The following ARIH1 variants were observed in gnomAD, a reference collection of about 807,000 sequenced individuals.
ARIH1 encodes the protein E3 ubiquitin-protein ligase ARIH1.
Under a neutral mutation model 85.0 loss-of-function variants are expected in ARIH1, and 8 were observed. The observed-to-expected ratio is 0.09, with a 90% CI of 0.06 to 0.17. The LOEUF is 0.17. Ranked by LOEUF, ARIH1 falls within the 10% of genes least tolerant of loss-of-function variation. The pLI is 1.00. For missense variants in ARIH1, 311 were observed against 718.1 expected (o/e 0.43, Z 6.48); for synonymous variants, 238 against 253.6 (o/e 0.94, Z 0.59).
intron 3 of ARIH1, among the ~76,000 whole-genome samples, chr15:72,546,981 G>T (rs1340036390): frequency 6.6e-6 from 1 of 151,716 alleles, no homozygotes; most frequent in Non-Finnish European, 1.5e-5. Context: ...AGGCTGGAGT[G>T]CAGTGGTGCG....
At chr15:72,531,039 G>A (rs2064054224) in intron 2 of ARIH1, among the ~76,000 whole-genome samples, 1 of 152,156 alleles carries the variant, frequency 6.6e-6, no homozygotes, top group Non-Finnish European at 1.5e-5. Flanking sequence ...TCCCATGTGT[G>A]ATAGCTACTT....
At chr15:72,554,221 T>A (rs1487630358) in intron 3 of ARIH1, among the ~76,000 whole-genome samples, 1 of 152,226 alleles carries the variant, frequency 6.6e-6, no homozygotes, top group Non-Finnish European at 1.5e-5. Context: ...TCATTTCTTT[T>A]GAGTATATAC....
rs2063787952 is a variant in ARIH1, at chr15:72,474,897, T to TGGTGGTGGC, written c.261_269dup (p.Gly88_Gly90dup). 2.2e-6 allele frequency: 3 copies of TGGTGGTGGC among 1,393,984 alleles called. No homozygotes were observed. Among genetic ancestry groups the TGGTGGTGGC allele is most frequent in the Non-Finnish European group, 2.8e-6 (3 of 1,052,888 alleles). The allele number at this position is 1,393,984 out of a possible 1,614,324, so 86.4% of individuals were successfully genotyped here. A position where few individuals can be genotyped will look rare whatever the true frequency, so the allele number is the denominator to read the frequency against. ...GTGGCGGCGGCGGCGGCGGCGGCGG[T>TGGTGGTGGC]GGTGGTGGCGGGCCGGGGCATGAGC... On this transcript the variant is annotated inframe_insertion, in exon 1 of 14. Transcript: ENST00000379887.
chr15:72,482,094 C>G (rs1319723151), intron 1 of ARIH1, among the ~76,000 whole-genome samples: 1 of 152,112 alleles, frequency 6.6e-6, no homozygotes. Flanking sequence ...ACTTGGCCTC[C>G]CAAAGTGCTG....
intron 1 of ARIH1, among the ~76,000 whole-genome samples, chr15:72,481,873 C>T (rs1284326560): frequency 6.6e-6 from 1 of 152,040 alleles, no homozygotes; most frequent in Non-Finnish European, 1.5e-5. Flanking sequence ...TCTTTTCTCT[C>T]TTGCCCAGGC....
chr15:72,500,443 A>C (rs556082497), intron 1 of ARIH1, among the ~76,000 whole-genome samples: 3 of 152,074 alleles, frequency 2.0e-5, no homozygotes, highest in Admixed American at 2.0e-4. Flanking sequence ...AGAGATATGT[A>C]AGTGTGAATC....
intron 1 of ARIH1, among the ~76,000 whole-genome samples, chr15:72,493,808 A>AT (rs1028871153): frequency 5.3e-5 from 8 of 152,120 alleles, no homozygotes; most frequent in African/African-American, 7.2e-5. Context: ...ATAACCTCAG[A>AT]TTTTTTTTAA....
At chr15:72,511,701 T>TA (rs1470348948) in intron 1 of ARIH1, among the ~76,000 whole-genome samples, 2 of 152,234 alleles carry the variant, frequency 1.3e-5, no homozygotes, top group African/African-American at 4.8e-5. Flanking sequence ...GCCACATACA[T>TA]AGTCATCTGA....
At position 72,594,723 on chromosome 15, in the gene ARIH1, T is replaced by C. The variant is rs1436469288; in HGVS notation, c.*11431T>C. On this transcript the variant is annotated 3_prime_UTR_variant, in exon 14 of 14. Coordinates refer to ENST00000379887, the MANE Select transcript of ARIH1 (RefSeq NM_005744.5). ...TATTCTAGAAATAGTTCTTGTAGAC[T>C]CCGTAGAGTTTTATATTAAATAGAT... The C allele has an allele frequency of 6.6e-6, 1 of 151,830 alleles. No homozygotes were observed. Among genetic ancestry groups the C allele is most frequent in the African/African-American group, 2.4e-5 (1 of 41,366 alleles). The allele number at this position is 151,830 out of a possible 1,614,324, so 9.4% of individuals were successfully genotyped here. A position where few individuals can be genotyped will look rare whatever the true frequency, so the allele number is the denominator to read the frequency against.
At chr15:72,567,242 C>A in intron 9 of ARIH1, 65 bp downstream of exon 9, 2 of 1,319,606 alleles carry the variant, frequency 1.5e-6, no homozygotes, top group Non-Finnish European at 2.1e-6. Flanking sequence ...TTGGCATTAG[C>A]AAAAGCAATG....
intron 6 of ARIH1, 77 bp from the exon 7 acceptor site, chr15:72,563,317 C>A: frequency 7.6e-7 from 1 of 1,324,074 alleles, no homozygotes; most frequent in Non-Finnish European, 1.1e-6. Flanking sequence ...CCTTGGCCTC[C>A]CTAAGTTCTG....
At chr15:72,508,997 T>TA (rs1246782077) in intron 1 of ARIH1, among the ~76,000 whole-genome samples, 1 of 149,344 alleles carries the variant, frequency 6.7e-6, no homozygotes. Context: ...CCTGGCCCTT[T>TA]TTTTTTTTTT....
At chr15:72,519,433 A>G (rs982593816) in intron 2 of ARIH1, among the ~76,000 whole-genome samples, 3 of 135,446 alleles carry the variant, frequency 2.2e-5, no homozygotes, top group Non-Finnish European at 4.8e-5. Context: ...ATGTTCAACT[A>G]GTTTGATTTT....
chr15:72,589,950 C>A lies in ARIH1; in HGVS notation c.*6658C>A, dbSNP rs1404116360. On this transcript the variant is annotated 3_prime_UTR_variant, in exon 14 of 14. Coordinates refer to ENST00000379887, the MANE Select transcript of ARIH1 (RefSeq NM_005744.5). ...CTGGGATCATAGGCATGTGCCACTGCTCCTAGCTCTTCCATCTCAGTCTTA... is the reference window on the plus strand; with the variant it reads ...CTGGGATCATAGGCATGTGCCACTGATCCTAGCTCTTCCATCTCAGTCTTA... The A allele has an allele frequency of 6.6e-6, 1 of 152,082 alleles. No homozygotes were observed. Among genetic ancestry groups the A allele is most frequent in the African/African-American group, 2.4e-5 (1 of 41,412 alleles). The allele number at this position is 152,082 out of a possible 1,614,324, so 9.4% of individuals were successfully genotyped here. A position where few individuals can be genotyped will look rare whatever the true frequency, so the allele number is the denominator to read the frequency against.
At chr15:72,528,073 GTAAAAAAAAAA>G (rs2064038285) in intron 2 of ARIH1, among the ~76,000 whole-genome samples, 1 of 151,296 alleles carries the variant, frequency 6.6e-6, no homozygotes, top group Non-Finnish European at 1.5e-5. Flanking sequence ...TTGATAACAA[GTAAAAAAAAAA>G]GTGTCTTTCT....
At chr15:72,516,642 A>T (rs2063976277) in intron 1 of ARIH1, among the ~76,000 whole-genome samples, 2 of 152,336 alleles carry the variant, frequency 1.3e-5, no homozygotes, top group South Asian at 4.1e-4. Flanking sequence ...TACCTAGATT[A>T]GCAAAATGTA....
intron 10 of ARIH1, among the ~76,000 whole-genome samples, chr15:72,571,873 A>G (rs1240101253): frequency 6.6e-6 from 1 of 152,184 alleles, no homozygotes; most frequent in Admixed American, 6.5e-5. Context: ...ATAGAGAACT[A>G]ATTTATTATA....
chr15:72,488,219 TTTTA>T (rs1165412190), intron 1 of ARIH1, among the ~76,000 whole-genome samples: 1 of 151,968 alleles, frequency 6.6e-6, no homozygotes, highest in Non-Finnish European at 1.5e-5. Flanking sequence ...GTATTATTAT[TTTTA>T]TTTATTTATT....
intron 11 of ARIH1, among the ~76,000 whole-genome samples, chr15:72,573,376 T>TA (rs2064256982): frequency 6.6e-6 from 1 of 152,044 alleles, no homozygotes; most frequent in African/African-American, 2.4e-5. Context: ...GCCTGGCCAC[T>TA]ATGGTGAAAC....
Sources: gnomAD v4.1 joint callset for allele counts (sites outside exome capture counted in the v4.1 genomes callset) on GRCh38, gnomAD v4.1.1 for gene constraint, MANE v1.5 for transcripts, NCBI Gene and HGNC (gene_info 2026-07-23, HGNC 2026-07-21) for gene names.